The following CHLSN variants were observed in gnomAD, a reference collection of about 807,000 sequenced individuals.
The protein encoded by CHLSN is cholesin.
At chr7:1,032,371 A>C in the CHLSN span, among the ~76,000 whole-genome samples, 7 of 152,358 alleles carry the variant, frequency 4.6e-5, no homozygotes, top group African/African-American at 1.2e-4. Context: ...CTTTCGTGGC[A>C]TCACGAGAAT....
At chr7:988,541 T>C in the CHLSN span, 1 of 1,597,024 alleles carries the variant, frequency 6.3e-7, no homozygotes, top group Non-Finnish European at 8.5e-7. Flanking sequence ...GCGGCTGTGG[T>C]GGCTGCTCCT....
chr7:993,216 G>A, the CHLSN span, among the ~76,000 whole-genome samples: 3 of 152,192 alleles, frequency 2.0e-5, no homozygotes, highest in African/African-American at 7.2e-5. Context: ...GCAGGGGGAC[G>A]GCAGCTGGAG....
the CHLSN span, among the ~76,000 whole-genome samples, chr7:983,686 G>A: frequency 6.6e-6 from 1 of 152,364 alleles, no homozygotes; most frequent in Non-Finnish European, 1.5e-5. Flanking sequence ...CCCGCAGGAG[G>A]CCAGGCTTAG....
At chr7:980,599 A>G in the CHLSN span, among the ~76,000 whole-genome samples, 1 of 151,892 alleles carries the variant, frequency 6.6e-6, no homozygotes, top group African/African-American at 2.4e-5. Flanking sequence ...ATATGCAAAT[A>G]TGCACACCCG....
the CHLSN span, chr7:984,543 C>A: frequency 6.4e-7 from 1 of 1,558,314 alleles, no homozygotes; most frequent in Non-Finnish European, 8.7e-7. Context: ...GGCCTCCCAT[C>A]GCCATCTTCC....
At chr7:978,099 T>C in the CHLSN span, among the ~76,000 whole-genome samples, 1 of 152,222 alleles carries the variant, frequency 6.6e-6, no homozygotes, top group African/African-American at 2.4e-5. Context: ...CCGAGGGACC[T>C]GTGGCCTGGA....
chr7:1,074,835 A>G, the CHLSN span: 1 of 152,574 alleles, frequency 6.6e-6, no homozygotes, highest in African/African-American at 2.4e-5. Context: ...GGACCCGCCC[A>G]TGTGTCATCA....
At chr7:1,008,309 C>T in the CHLSN span, among the ~76,000 whole-genome samples, 1 of 152,216 alleles carries the variant, frequency 6.6e-6, no homozygotes, top group Non-Finnish European at 1.5e-5. Context: ...CTGTCTACAG[C>T]GACTGACCCT....
chr7:1,052,253 C>T, the CHLSN span, among the ~76,000 whole-genome samples: 1 of 152,374 alleles, frequency 6.6e-6, no homozygotes, highest in Non-Finnish European at 1.5e-5. This position sits in a 1 kb window ranked among gnomAD's most constrained non-coding sequence, Gnocchi z 4.2. Flanking sequence ...TCGAGGCGTG[C>T]CCTCCTGAGA....
At chr7:1,008,930 T>C in the CHLSN span, among the ~76,000 whole-genome samples, 1 of 146,526 alleles carries the variant, frequency 6.8e-6, no homozygotes, top group Admixed American at 6.8e-5. Context: ...CACATGCGCA[T>C]ACATGCACAC....
At chr7:1,082,757 G>C in the CHLSN span, among the ~76,000 whole-genome samples, 1 of 152,240 alleles carries the variant, frequency 6.6e-6, no homozygotes, top group African/African-American at 2.4e-5. Context: ...TCTGGACACA[G>C]AGAACGCAGA....
chr7:1,035,542 C>T, the CHLSN span, among the ~76,000 whole-genome samples: 1 of 152,188 alleles, frequency 6.6e-6, no homozygotes, highest in Non-Finnish European at 1.5e-5. Context: ...TGGGGCCAGA[C>T]GCGCGACATC....
the CHLSN span, among the ~76,000 whole-genome samples, chr7:1,084,052 G>A: frequency 1.5e-3 from 230 of 152,370 alleles, no homozygotes; most frequent in Middle Eastern, 3.4e-3. Context: ...TGTCTGAGGG[G>A]AGGTCACAGG....
chr7:992,372 CAAGCTCGGAGGGTGAGGCCCCCCCACAGT>C, the CHLSN span, among the ~76,000 whole-genome samples: 3 of 152,244 alleles, frequency 2.0e-5, no homozygotes, highest in African/African-American at 4.8e-5. Context: ...CCTCCCGCAG[CAAGCTCGGAGGGTGAGGCCCCCCCACAGT>C]AAGCTCGGAG....
the CHLSN span, among the ~76,000 whole-genome samples, chr7:1,033,675 G>A: frequency 6.6e-6 from 1 of 152,188 alleles, no homozygotes; most frequent in Non-Finnish European, 1.5e-5. Context: ...AGACCCACGC[G>A]TGGTAAACAC....
chr7:1,020,586 G>A, the CHLSN span, among the ~76,000 whole-genome samples: 1 of 152,254 alleles, frequency 6.6e-6, no homozygotes, highest in Non-Finnish European at 1.5e-5. Flanking sequence ...TGCAGGGACA[G>A]CTAGTCTCAC....
the CHLSN span, among the ~76,000 whole-genome samples, chr7:1,069,986 C>T: frequency 1.8e-5 from 2 of 110,906 alleles, no homozygotes; most frequent in African/African-American, 7.6e-5. Context: ...ATGTGGGGAG[C>T]GCCTCTGCCC....
At chr7:1,012,140 A>G in the CHLSN span, among the ~76,000 whole-genome samples, 66,878 of 152,128 alleles carry the variant, frequency 0.44, 14,912 homozygotes, top group Admixed American at 0.5. Context: ...CCCCCACTCC[A>G]TGGGCCACGC....
At chr7:1,035,609 G>A in the CHLSN span, among the ~76,000 whole-genome samples, 16,437 of 152,266 alleles carry the variant, frequency 0.11, 1,162 homozygotes, top group Middle Eastern at 0.21. Flanking sequence ...CACCTGTCAC[G>A]ATAGCCCAAA....
Sources: allele counts gnomAD v4.1 joint callset (sites outside exome capture counted in the v4.1 genomes callset), GRCh38; gene constraint gnomAD v4.1.1; non-coding constraint Gnocchi (gnomAD v3.1); transcripts MANE v1.5; gene names NCBI Gene and HGNC (gene_info 2026-07-23, HGNC 2026-07-21).